PTPRD: variants seen among roughly 807,000 people sequenced by gnomAD.
The protein encoded by PTPRD is receptor-type tyrosine-protein phosphatase delta.
A neutral mutation model predicts 214.5 loss-of-function variants in PTPRD; 34 were observed. The ratio of observed to expected loss-of-function variants is 0.16; its 90% confidence interval spans 0.12 to 0.21. PTPRD has a LOEUF of 0.21. Ranked by LOEUF, PTPRD falls within the 10% of genes least tolerant of loss-of-function variation. The pLI is 1.00. For synonymous variants in PTPRD, 1,128 were observed against 845.7 expected (o/e 1.33, Z -5.79); for missense variants, 2,545 against 2,398.7 (o/e 1.06, Z -1.27).
intron 14 of PTPRD, among the ~76,000 whole-genome samples, chr9:8,616,283 G>A (rs1020720225): frequency 5.9e-5 from 9 of 152,070 alleles, no homozygotes; most frequent in Non-Finnish European, 1.2e-4. Flanking sequence ...TGGGAATGTC[G>A]AGATGTCAGG....
At chr9:9,385,133 A>G (rs2063494087) in intron 9 of PTPRD, among the ~76,000 whole-genome samples, 1 of 152,158 alleles carries the variant, frequency 6.6e-6, no homozygotes, top group Admixed American at 6.6e-5. Flanking sequence ...TATCAACAGA[A>G]AAAAAGAATA....
At chr9:9,989,920 G>C (rs577030567) in intron 4 of PTPRD, among the ~76,000 whole-genome samples, 1 of 152,288 alleles carries the variant, frequency 6.6e-6, no homozygotes, top group African/African-American at 2.4e-5. Context: ...CAAAGGGTTT[G>C]AGCACTGTGG....
intron 9 of PTPRD, among the ~76,000 whole-genome samples, chr9:9,378,389 T>A (rs566433868): frequency 1.3e-5 from 2 of 152,152 alleles, no homozygotes; most frequent in Admixed American, 1.3e-4. Flanking sequence ...AGTATTCCAT[T>A]GTCTGGATAT....
At chr9:9,474,689 T>C (rs2094891885) in intron 8 of PTPRD, among the ~76,000 whole-genome samples, 1 of 151,896 alleles carries the variant, frequency 6.6e-6, no homozygotes, top group African/African-American at 2.4e-5. Context: ...AGGGTTTTTT[T>C]TGTAGCTATT....
At chr9:9,475,565 C>A (rs1343864611) in intron 8 of PTPRD, among the ~76,000 whole-genome samples, 1 of 152,146 alleles carries the variant, frequency 6.6e-6, no homozygotes, top group Admixed American at 6.5e-5. Flanking sequence ...GGACTCAAAA[C>A]TCTCTTTTTT....
chr9:9,655,353 TGAG>T (rs1189320992), intron 7 of PTPRD, among the ~76,000 whole-genome samples: 1 of 152,162 alleles, frequency 6.6e-6, no homozygotes, highest in Admixed American at 6.5e-5. Flanking sequence ...GCAGATCACC[TGAG>T]GTCAGGAGTT....
intron 8 of PTPRD, among the ~76,000 whole-genome samples, chr9:9,549,744 C>T (rs1374434808): frequency 6.6e-6 from 1 of 152,040 alleles, no homozygotes; most frequent in South Asian, 2.1e-4. Context: ...ATAGACCAAA[C>T]AATGAGCCTC....
intron 7 of PTPRD, among the ~76,000 whole-genome samples, chr9:9,697,683 G>A (rs897223861): frequency 2.6e-5 from 4 of 152,102 alleles, no homozygotes; most frequent in Non-Finnish European, 5.9e-5. Context: ...GGTGAAATCT[G>A]TTTGGTAATC....
intron 3 of PTPRD, among the ~76,000 whole-genome samples, chr9:10,066,888 G>A (rs771663740): frequency 6.6e-6 from 1 of 151,638 alleles, no homozygotes; most frequent in Admixed American, 6.6e-5. Flanking sequence ...CTGAATGCTA[G>A]AGTAAAACAT....
At chr9:10,011,355 A>G (rs2096596599) in intron 4 of PTPRD, among the ~76,000 whole-genome samples, 1 of 152,042 alleles carries the variant, frequency 6.6e-6, no homozygotes, top group Non-Finnish European at 1.5e-5. Context: ...AAGTCACTAC[A>G]TATCTAAAGA....
chr9:8,351,741 G>GT (rs1406287396), intron 39 of PTPRD, among the ~76,000 whole-genome samples: 3 of 24,764 alleles, frequency 1.2e-4, no homozygotes, highest in East Asian at 2.1e-3. Flanking sequence ...TTGGCAAAGA[G>GT]TAAAAAAAAA....
rs138170354 is a variant in PTPRD at position 9,075,657 on chromosome 9, G to A, written c.-142-56922C>T. Among the ~76,000 whole-genome samples the A allele has an allele frequency of 5.1e-3, 772 of 152,128 alleles. 4 individuals carry two copies. Among genetic ancestry groups the A allele is most frequent in the Non-Finnish European group, 7.4e-3 (501 of 67,988 alleles). Reference sequence around the variant, plus strand: ...TTCCCACCTGTGAGTGAGAACATGCGGTGTTTGCTTTTCTGTCCTTGTGAT... The same window carrying A: ...TTCCCACCTGTGAGTGAGAACATGCAGTGTTTGCTTTTCTGTCCTTGTGAT... On this transcript the variant is annotated intron_variant, in intron 10 of 45. Transcript: ENST00000381196.
chr9:9,786,285 C>T (rs1206298113), intron 5 of PTPRD, among the ~76,000 whole-genome samples: 2 of 152,290 alleles, frequency 1.3e-5, no homozygotes, highest in South Asian at 2.1e-4. Flanking sequence ...TACTCTAACC[C>T]ATTATAAGTT....
At chr9:10,354,629 G>A (rs567115883) in intron 2 of PTPRD, among the ~76,000 whole-genome samples, 52 of 152,174 alleles carry the variant, frequency 3.4e-4, no homozygotes, top group African/African-American at 9.9e-4. Flanking sequence ...CTTCTATTCA[G>A]TTTGTATTAA....
intron 8 of PTPRD, among the ~76,000 whole-genome samples, chr9:9,452,653 G>C (rs1395360560): frequency 1.3e-5 from 2 of 151,026 alleles, no homozygotes; most frequent in Non-Finnish European, 3.0e-5. Flanking sequence ...TAAATAGAAA[G>C]GATTTGCTAA....
chr9:8,331,757 AC>A (rs1841372110), intron 43 of PTPRD, 21 bp from the exon 44 acceptor site: 1 of 1,552,702 alleles, frequency 6.4e-7, no homozygotes, highest in African/African-American at 1.4e-5. Context: ...AAAGCCACAT[AC>A]CCGGCCGCAA....
At chr9:9,957,397 A>G in intron 4 of PTPRD, among the ~76,000 whole-genome samples, 1 of 152,320 alleles carries the variant, frequency 6.6e-6, no homozygotes. Context: ...GATAATACTT[A>G]AAATTATTAA....
At chr9:9,730,583 A>G (rs2098171311) in intron 7 of PTPRD, among the ~76,000 whole-genome samples, 1 of 152,156 alleles carries the variant, frequency 6.6e-6, no homozygotes, top group Admixed American at 6.6e-5. Context: ...ATCTATGTAT[A>G]AACTTTCCTA....
At chr9:9,498,271 C>T (rs867387771) in intron 8 of PTPRD, among the ~76,000 whole-genome samples, 7 of 152,188 alleles carry the variant, frequency 4.6e-5, no homozygotes, top group African/African-American at 9.6e-5. Context: ...TCTTGTATTA[C>T]GCAGTCTTGT....
Sources: gnomAD v4.1 joint callset for allele counts (sites outside exome capture counted in the v4.1 genomes callset) on GRCh38, gnomAD v4.1.1 for gene constraint, MANE v1.5 for transcripts, NCBI Gene and HGNC (gene_info 2026-07-23, HGNC 2026-07-21) for gene names.